The following AUTS2 variants were observed in gnomAD, a reference collection of about 807,000 sequenced individuals.
The protein encoded by AUTS2 is activator of transcription and developmental regulator AUTS2.
A neutral mutation model predicts 112.4 loss-of-function variants in AUTS2; 17 were observed. The ratio of observed to expected loss-of-function variants is 0.15; its 90% CI spans 0.10 to 0.23. The LOEUF (loss-of-function observed/expected upper bound fraction) is 0.23. AUTS2 is among the 10% of genes least tolerant of loss of function. The probability of loss-of-function intolerance (pLI) is 1.00; values close to 1 mark genes in which losing one functional copy is unlikely to be tolerated. For synonymous variants in AUTS2, 751 were observed against 702.7 expected (o/e 1.07, Z -1.09); for missense variants, 1,510 against 1,701.6 (o/e 0.89, Z 1.98).
At chr7:70,421,533 G>A (rs538202077) in intron 4 of AUTS2, among the ~76,000 whole-genome samples, 1 of 152,266 alleles carries the variant, frequency 6.6e-6, no homozygotes, top group South Asian at 2.1e-4. Flanking sequence ...TGAAGGCCAG[G>A]AGACAAAGCA....
chr7:70,626,095 T>C (rs1804928086), intron 5 of AUTS2, among the ~76,000 whole-genome samples: 2 of 151,962 alleles, frequency 1.3e-5, no homozygotes, highest in South Asian at 4.2e-4. Flanking sequence ...GTATTTTTAG[T>C]AGAGATGGGG....
intron 1 of AUTS2, among the ~76,000 whole-genome samples, chr7:69,822,780 A>G (rs1178212886): frequency 6.6e-6 from 1 of 152,188 alleles, no homozygotes; most frequent in African/African-American, 2.4e-5. Context: ...AGTGGAGTCC[A>G]ATCCAATATC....
At chr7:70,289,937 G>T (rs1417282429) in intron 4 of AUTS2, among the ~76,000 whole-genome samples, 1 of 152,070 alleles carries the variant, frequency 6.6e-6, no homozygotes, top group African/African-American at 2.4e-5. Flanking sequence ...TTAGTAAGAG[G>T]GGCTGCATTT....
chr7:69,952,106 C>T (rs189109710), intron 2 of AUTS2, among the ~76,000 whole-genome samples: 1 of 151,588 alleles, frequency 6.6e-6, no homozygotes, highest in Non-Finnish European at 1.5e-5. Context: ...GGATTGAACC[C>T]TTTTTTTTGT....
At chr7:70,041,825 T>C (rs1244267550) in intron 2 of AUTS2, among the ~76,000 whole-genome samples, 1 of 152,198 alleles carries the variant, frequency 6.6e-6, no homozygotes, top group Non-Finnish European at 1.5e-5. Flanking sequence ...ACAGTGAAGG[T>C]AATATTTTCA....
intron 1 of AUTS2, among the ~76,000 whole-genome samples, chr7:69,871,518 A>C (rs554278717): frequency 6.6e-6 from 1 of 152,334 alleles, no homozygotes; most frequent in African/African-American, 2.4e-5. Flanking sequence ...TAAGAGAGCT[A>C]ACAACAATAA....
At chr7:69,675,822 C>G (rs1329846082) in intron 1 of AUTS2, among the ~76,000 whole-genome samples, 1 of 152,088 alleles carries the variant, frequency 6.6e-6, no homozygotes, top group African/African-American at 2.4e-5. Flanking sequence ...TGAGGTTTGA[C>G]TCTTTGCACC....
intron 2 of AUTS2, 66 bp downstream of exon 2, chr7:69,899,564 T>C: frequency 2.0e-6 from 3 of 1,510,872 alleles, no homozygotes; most frequent in Non-Finnish European, 2.7e-6. Flanking sequence ...CTTCCTCCAC[T>C]GTGGTTTTTC....
At chr7:70,529,761 T>G (rs1800001828) in intron 5 of AUTS2, among the ~76,000 whole-genome samples, 1 of 152,104 alleles carries the variant, frequency 6.6e-6, no homozygotes, top group South Asian at 2.1e-4. Flanking sequence ...GGAGTTCTCC[T>G]TCTAGGGGGT....
At chr7:70,416,826 C>T (rs1256257741) in intron 4 of AUTS2, among the ~76,000 whole-genome samples, 2 of 152,170 alleles carry the variant, frequency 1.3e-5, no homozygotes, top group African/African-American at 4.8e-5. Context: ...GCCTCCTGCA[C>T]CCCTGCTCCC....
At chr7:70,306,782 C>T (rs75082998) in intron 4 of AUTS2, among the ~76,000 whole-genome samples, 7 of 152,124 alleles carry the variant, frequency 4.6e-5, no homozygotes, top group South Asian at 2.1e-4. Context: ...CCACCAGGTC[C>T]GTAATCGCTG....
intron 2 of AUTS2, among the ~76,000 whole-genome samples, chr7:69,954,725 T>C (rs1797152295): frequency 6.6e-6 from 1 of 152,250 alleles, no homozygotes; most frequent in South Asian, 2.1e-4. Context: ...TGCAAGGTCA[T>C]AAAGCTGGTC....
At chr7:69,659,596 T>TTTA in intron 1 of AUTS2, among the ~76,000 whole-genome samples, 1 of 145,684 alleles carries the variant, frequency 6.9e-6, no homozygotes, top group Non-Finnish European at 1.5e-5. Flanking sequence ...TTTTTTTTTT[T>TTTA]TTTTTTTTGA....
chr7:69,746,343 A>G (rs1787495438), intron 1 of AUTS2, among the ~76,000 whole-genome samples: 2 of 152,162 alleles, frequency 1.3e-5, no homozygotes, highest in South Asian at 4.1e-4. Context: ...TGCTCATGAA[A>G]CTTACCTTCT....
chr7:70,098,489 A>G (rs1166912928), intron 2 of AUTS2, among the ~76,000 whole-genome samples: 1 of 152,072 alleles, frequency 6.6e-6, no homozygotes, highest in Non-Finnish European at 1.5e-5. Flanking sequence ...AAATTTTTCC[A>G]GTTTATTACA....
chr7:70,422,110 C>G lies in AUTS2; in HGVS notation c.661-13642C>G, dbSNP rs1388213839. Among the ~76,000 whole-genome samples the G allele has an allele frequency of 2.5e-4, 38 of 152,170 alleles. 1 individual carries two copies. The highest frequency in any genetic ancestry group is 2.5e-3 in the Admixed American group (38 of 15,286). On this transcript the variant is annotated intron_variant, in intron 4 of 18. Transcript: ENST00000342771. Reference sequence around the variant, plus strand: ...AATAAAGGGAAGAAAAAAAAGGAATCACTTTAGGATCCTATGTGACGGTAG... The same window carrying G: ...AATAAAGGGAAGAAAAAAAAGGAATGACTTTAGGATCCTATGTGACGGTAG...
intron 6 of AUTS2, among the ~76,000 whole-genome samples, chr7:70,753,581 T>C (rs1331392265): frequency 1.3e-5 from 2 of 152,224 alleles, no homozygotes; most frequent in East Asian, 3.8e-4. Context: ...TAATTGAATC[T>C]TCTAATGGAA....
intron 5 of AUTS2, chr7:70,437,010 A>G (rs558414849): frequency 6.6e-6 from 1 of 152,416 alleles, no homozygotes; most frequent in Non-Finnish European, 1.5e-5. Context: ...CATGTCCCCC[A>G]GATAAGAACA....
At position 70,107,490 on chromosome 7, in the gene AUTS2, C is replaced by T. The variant is rs372764796; in HGVS notation, c.523-10642C>T. On this transcript the variant is annotated intron_variant, in intron 2 of 18. Transcript: ENST00000342771. ...TCCCGAGTAGCTGGGATTACAGGCA[C>T]GCCCCACCATGCCCAGCTAATTTTT... Among the ~76,000 whole-genome samples, 18 of 150,492 alleles carry T rather than the reference C, an allele frequency of 1.2e-4. 1 individual carries two copies. The East Asian group carries it at 1.6e-3, about 14-fold the overall frequency.
Sources: allele counts gnomAD v4.1 joint callset (sites outside exome capture counted in the v4.1 genomes callset), GRCh38; gene constraint gnomAD v4.1.1; transcripts MANE v1.5; gene names NCBI Gene and HGNC (gene_info 2026-07-23, HGNC 2026-07-21).